ZNF623: variants seen among roughly 807,000 people sequenced by gnomAD.
ZNF623 encodes the protein zinc finger protein 623.
ZNF623 carries 16 observed loss-of-function variants against 24.0 expected under a neutral mutation model. That is an observed-to-expected ratio of 0.67 (90% CI 0.45 to 1.01). The LOEUF (loss-of-function observed/expected upper bound fraction) is 1.01. ZNF623 is among the 50% of genes least tolerant of loss of function. The probability of loss-of-function intolerance (pLI) is 0.00; values close to 1 mark genes in which losing one functional copy is unlikely to be tolerated. For missense variants in ZNF623, 566 were observed against 606.5 expected (o/e 0.93, Z 0.70); for synonymous variants, 224 against 219.8 (o/e 1.02, Z -0.17).
At chr8:143,637,739 G>A (rs1168629762) in intron 1 of ZNF623, among the ~76,000 whole-genome samples, 10 of 152,020 alleles carry the variant, frequency 6.6e-5, no homozygotes, top group African/African-American at 1.9e-4. Flanking sequence ...TAGTAGAGAC[G>A]AGGTTTCACC....
chr8:143,643,998 C>G (rs1019496048), intron 1 of ZNF623, among the ~76,000 whole-genome samples: 1 of 152,108 alleles, frequency 6.6e-6, no homozygotes, highest in African/African-American at 2.4e-5. Context: ...CAGTGCATCC[C>G]ACGTCACAGC....
Position 143,652,634 on chromosome 8 carries a change from A to T in ZNF623, c.*1151A>T, listed in dbSNP as rs1484872129. ...GAACTGTCTACTTGATCTGGAGGGC[A>T]TTGACACCTGGCTCAGCTGGAACAG... On this transcript the variant is annotated 3_prime_UTR_variant, in exon 2 of 2. Coordinates refer to ENST00000526926, the MANE Select transcript of ZNF623 (RefSeq NM_001261843.2). The T allele has an allele frequency of 6.0e-6, 1 of 167,108 alleles. No homozygotes were observed. Among genetic ancestry groups the T allele is most frequent in the African/African-American group, 2.4e-5 (1 of 41,432 alleles). 10.4% of individuals were successfully genotyped at this position (167,108 alleles called of 1,614,324 possible).
At chr8:143,638,435 A>G (rs1462867396) in intron 1 of ZNF623, among the ~76,000 whole-genome samples, 1 of 152,030 alleles carries the variant, frequency 6.6e-6, no homozygotes, top group Non-Finnish European at 1.5e-5. Context: ...TGTAAACAGA[A>G]ACACCCTGTT....
At chr8:143,644,489 A>G (rs370792476) in intron 1 of ZNF623, among the ~76,000 whole-genome samples, 1 of 152,180 alleles carries the variant, frequency 6.6e-6, no homozygotes, top group African/African-American at 2.4e-5. Flanking sequence ...CCCACTGCCC[A>G]GCAAGAACCC....
chr8:143,648,916 G>A (rs868242321), intron 1 of ZNF623, among the ~76,000 whole-genome samples: 1 of 152,020 alleles, frequency 6.6e-6, no homozygotes, highest in South Asian at 2.1e-4. Flanking sequence ...GTCCTGTGGG[G>A]AGTGGGAAGG....
intron 1 of ZNF623, among the ~76,000 whole-genome samples, chr8:143,639,957 T>C (rs1052588673): frequency 6.6e-6 from 1 of 152,118 alleles, no homozygotes; most frequent in Non-Finnish European, 1.5e-5. Flanking sequence ...ATGTCATTTA[T>C]GGGGCAGTCA....
At position 143,653,367 on chromosome 8, in the gene ZNF623, T is replaced by C. The variant is rs776899863; in HGVS notation, c.*1884T>C. On this transcript the variant is annotated 3_prime_UTR_variant, in exon 2 of 2. Transcript: ENST00000526926. ...AAAGAGATCTACATTTTCTGGAAAA[T>C]CAGCATTACTAGAGATGTTTCAAAT... 1.2e-5 allele frequency: 2 copies of C among 167,038 alleles called. No individual in the cohort carries two copies. The highest frequency in any genetic ancestry group is 4.1e-4 in the South Asian group (2 of 4,830). 10.3% of individuals were successfully genotyped at this position (167,038 alleles called of 1,614,324 possible).
At chr8:143,649,613 C>T (rs1271832933) in intron 1 of ZNF623, 14 of 470,984 alleles carry the variant, frequency 3.0e-5, no homozygotes. Flanking sequence ...ATATCCCCAC[C>T]CCTCTGCAAC....
At chr8:143,644,996 C>T (rs563242139) in intron 1 of ZNF623, among the ~76,000 whole-genome samples, 36 of 151,968 alleles carry the variant, frequency 2.4e-4, no homozygotes, top group Non-Finnish European at 3.7e-4. Context: ...GGTGTGATGG[C>T]GCAAGCCTAT....
chr8:143,643,888 T>C (rs948903865), intron 1 of ZNF623, among the ~76,000 whole-genome samples: 1 of 152,202 alleles, frequency 6.6e-6, no homozygotes, highest in African/African-American at 2.4e-5. Context: ...AGAATGTTGC[T>C]AAGAACACTC....
chr8:143,643,382 T>C (rs1162985456), intron 1 of ZNF623, among the ~76,000 whole-genome samples: 1 of 152,240 alleles, frequency 6.6e-6, no homozygotes, highest in East Asian at 1.9e-4. Context: ...AAATGCATGC[T>C]GCTTTAAGCT....
Position 143,650,668 on chromosome 8 carries a change from A to C in ZNF623, c.676A>C (p.Asn226His), listed in dbSNP as rs759782301. 9.9e-6 allele frequency: 16 copies of C among 1,614,042 alleles called. No homozygotes were observed. The highest frequency in any genetic ancestry group is 1.4e-5 in the Non-Finnish European group (16 of 1,180,040). ...IHTGERPYEC[N>H]ECGKSFIRSS... ...CACGGGAGAAAGGCCCTATGAGTGC[A>C]ATGAATGTGGGAAATCCTTCATAAG... The change falls in exon 2 of 2, where the codon AAT (asparagine) becomes CAT (histidine). Residue 226 changes from asparagine to histidine, a missense_variant. Asn to His is a moderately conservative substitution (Grantham distance 68). Transcript: ENST00000526926. The surrounding 1 kb of genome is among the most constrained non-coding windows in gnomAD (Gnocchi z 5.2).
chr8:143,652,507 A>G lies in ZNF623; in HGVS notation c.*1024A>G, dbSNP rs879469416. On this transcript the variant is annotated 3_prime_UTR_variant, in exon 2 of 2. Coordinates refer to ENST00000526926, the MANE Select transcript of ZNF623 (RefSeq NM_001261843.2). ...TATAATCTACGATTCTGTTAGAAGT[A>G]TCTTCTCAGCCCTGCTACTGTCTGC... The G allele has an allele frequency of 2.4e-5, 4 of 167,042 alleles. No homozygotes were observed. Among genetic ancestry groups the G allele is most frequent in the Non-Finnish European group, 4.4e-5 (3 of 68,116 alleles). 10.3% of individuals were successfully genotyped at this position (167,042 alleles called of 1,614,324 possible). A position where few individuals can be genotyped will look rare whatever the true frequency, so the allele number is the denominator to read the frequency against.
At chr8:143,643,254 C>T (rs1232419165) in intron 1 of ZNF623, among the ~76,000 whole-genome samples, 1 of 152,178 alleles carries the variant, frequency 6.6e-6, no homozygotes, top group African/African-American at 2.4e-5. Flanking sequence ...CCAGTTTTCC[C>T]CAGGGCCTCC....
chr8:143,643,529 C>T (rs1247309423), intron 1 of ZNF623, among the ~76,000 whole-genome samples: 1 of 152,230 alleles, frequency 6.6e-6, no homozygotes, highest in African/African-American at 2.4e-5. Context: ...TTGCCCTCCA[C>T]AGCGGGGTTG....
Position 143,652,672 on chromosome 8 carries a change from G to A in ZNF623, c.*1189G>A, listed in dbSNP as rs1815363053. ...TCAGCTGGAACAGTGGGGACAGGAG[G>A]AGGCAGGTCTCAAGAGAAGGTCTTT... On this transcript the variant is annotated 3_prime_UTR_variant, in exon 2 of 2. Transcript: ENST00000526926. The A allele has an allele frequency of 6.0e-6, 1 of 167,080 alleles. No individual in the cohort carries two copies. The highest frequency in any genetic ancestry group is 2.4e-5 in the African/African-American group (1 of 41,430). The allele number at this position is 167,080 out of a possible 1,614,324, so 10.3% of individuals were successfully genotyped here.
In ZNF623 at chr8:143,645,318, T is replaced by G. The variant is rs534410252; in HGVS notation, c.-95-4580T>G. 2.0e-5 allele frequency among the ~76,000 whole-genome samples: 3 copies of G among 150,782 alleles called. No homozygotes were observed. The South Asian group carries it at 6.3e-4, about 32-fold the overall frequency. On this transcript the variant is annotated intron_variant, in intron 1 of 1. Transcript: ENST00000526926. The stretch of plus-strand genomic sequence containing the variant: ...TTGGCCAGGCATGGTGGCGGGCGCC[T>G]GTAGTCCCAGTTGCTCGGCAGGAGA...
intron 1 of ZNF623, among the ~76,000 whole-genome samples, chr8:143,640,921 C>T (rs924576034): frequency 1.0e-4 from 11 of 109,774 alleles, no homozygotes; most frequent in African/African-American, 1.8e-4. Context: ...GCCTGGGGAA[C>T]GAGAGTGAAA....
At position 143,641,456 on chromosome 8, in the gene ZNF623, T is replaced by G. The variant is rs1221168955; in HGVS notation, c.-96+5311T>G. ...CAGTGAGTAGTGTTTTTTTTTTTTT[T>G]TTTTTTTTTTTCTTTTTTTTTTTTT... On this transcript the variant is annotated intron_variant, in intron 1 of 1. Transcript: ENST00000526926. Among the ~76,000 whole-genome samples, 5 of 3,184 alleles carry G rather than the reference T, an allele frequency of 1.6e-3. 2 individuals are homozygous for G. Among genetic ancestry groups the G allele is most frequent in the African/African-American group, 1.6e-3 (5 of 3,134 alleles). The allele number at this position is 3,184 out of a possible 152,430, so 2.1% of individuals were successfully genotyped here.
Sources: allele counts gnomAD v4.1 joint callset (sites outside exome capture counted in the v4.1 genomes callset), GRCh38; gene constraint gnomAD v4.1.1; non-coding constraint Gnocchi (gnomAD v3.1); transcripts MANE v1.5; gene names NCBI Gene and HGNC (gene_info 2026-07-23, HGNC 2026-07-21).